SF3A1: variants seen among roughly 807,000 people sequenced by gnomAD.
The protein encoded by SF3A1 is splicing factor 3a subunit 1.
SF3A1 carries 13 observed loss-of-function variants against 89.9 expected under a neutral mutation model. The observed-to-expected ratio is 0.14, with a 90% confidence interval of 0.09 to 0.23. The LOEUF (loss-of-function observed/expected upper bound fraction) is 0.23, where lower values mean the gene tolerates loss of function less well. Ranked by LOEUF, SF3A1 falls within the 10% of genes least tolerant of loss-of-function variation. The pLI, the probability that SF3A1 is intolerant of heterozygous loss-of-function variation, is 1.00. For synonymous variants in SF3A1, 405 were observed against 374.4 expected (o/e 1.08, Z -0.94); for missense variants, 604 against 1,022.1 (o/e 0.59, Z 5.58).
chr22:30,342,152 A>G (rs746293529), intron 6 of SF3A1, 48 bp downstream of exon 6: 146 of 1,607,152 alleles, frequency 9.1e-5, no homozygotes, highest in Non-Finnish European at 1.2e-4. Context: ...TTTCCCGGGA[A>G]GTCTGAGTTC....
chr22:30,335,860 C>T, intron 13 of SF3A1, 107 bp from the exon 14 acceptor site: 1 of 906,192 alleles, frequency 1.1e-6, no homozygotes, highest in Non-Finnish European at 1.8e-6. Context: ...TGCATCTGGG[C>T]TCCTGGATTC....
intron 2 of SF3A1, among the ~76,000 whole-genome samples, chr22:30,351,306 A>C (rs1931586414): frequency 6.6e-6 from 1 of 152,178 alleles, no homozygotes; most frequent in African/African-American, 2.4e-5. Flanking sequence ...TCATTTAAAA[A>C]AAAAAAAAAG....
chr22:30,338,312 G>A (rs1171679394), intron 11 of SF3A1, among the ~76,000 whole-genome samples: 1 of 152,058 alleles, frequency 6.6e-6, no homozygotes, highest in African/African-American at 2.4e-5. Context: ...TACAAAATTA[G>A]CTGGGCATGG....
intron 13 of SF3A1, among the ~76,000 whole-genome samples, chr22:30,336,617 C>A (rs1326311362): frequency 1.3e-5 from 2 of 152,180 alleles, no homozygotes; most frequent in African/African-American, 4.8e-5. Flanking sequence ...CAGGATCCCA[C>A]CCAACAGGCA....
In SF3A1 at chr22:30,341,857, C is replaced by T. The variant is rs780600901; in HGVS notation, c.906G>A (p.Glu302=). The change falls in exon 7 of 16, where the codon GAG becomes GAA. Residue 302 remains glutamate (E), a synonymous_variant. Transcript: ENST00000215793. ...GAATGAGGATTCGGGCCCCCAGCTC[C>T]TCTGGCGTGGTGGGGGGAGGGAAGT... The part of the protein sequence containing the change: ...QGNFPPPTTP[E]ELGARILIQE... 3.1e-6 allele frequency: 5 copies of T among 1,613,582 alleles called. No homozygotes were observed. In the South Asian group the frequency reaches 4.4e-5, roughly 14 times the overall value.
intron 1 of SF3A1, among the ~76,000 whole-genome samples, chr22:30,355,630 G>A (rs1931774334): frequency 2.6e-5 from 4 of 152,134 alleles, no homozygotes; most frequent in Admixed American, 1.3e-4. Flanking sequence ...CTGCCACTAC[G>A]CTCCTAAGTC....
chr22:30,339,311 C>A, intron 9 of SF3A1, 60 bp from the exon 10 acceptor site: 2 of 1,600,758 alleles, frequency 1.2e-6, no homozygotes, highest in South Asian at 1.1e-5. Context: ...GGTGTCCTGA[C>A]AAGAGAGCAG....
intron 2 of SF3A1, among the ~76,000 whole-genome samples, chr22:30,348,025 T>C (rs893346717): frequency 6.6e-6 from 1 of 152,190 alleles, no homozygotes; most frequent in African/African-American, 2.4e-5. Flanking sequence ...TTTTACATTT[T>C]GTAGAGACGG....
At chr22:30,353,116 C>A in intron 1 of SF3A1, 44 bp from the exon 2 acceptor site, 2 of 1,606,406 alleles carry the variant, frequency 1.2e-6, no homozygotes, top group South Asian at 2.2e-5. Flanking sequence ...GTCCCTGGTT[C>A]AGAGCAGGTT....
At position 30,356,712 on chromosome 22, in the gene SF3A1, G is replaced by A. The variant is rs755562915; in HGVS notation, c.63+18C>T. ...GGCCAACCCTCCGGCTGCAGGCTGAGGGGCGGGGGAGAGGTACCTGTTTGG... is the reference window on the plus strand; with the variant it reads ...GGCCAACCCTCCGGCTGCAGGCTGAAGGGCGGGGGAGAGGTACCTGTTTGG... On this transcript the variant is annotated intron_variant, in intron 1 of 15. Coordinates refer to ENST00000215793, the MANE Select transcript of SF3A1 (RefSeq NM_005877.6). 1.4e-6 allele frequency: 2 copies of A among 1,479,474 alleles called. No homozygotes were observed. Among genetic ancestry groups the A allele is most frequent in the South Asian group, 1.3e-5 (1 of 74,980 alleles). 91.6% of individuals were successfully genotyped at this position (1,479,474 alleles called of 1,614,324 possible). A position where few individuals can be genotyped will look rare whatever the true frequency, so the allele number is the denominator to read the frequency against.
At chr22:30,342,630 G>C (rs1931295878) in intron 5 of SF3A1, 175 bp downstream of exon 5, 1 of 627,200 alleles carries the variant, frequency 1.6e-6, no homozygotes, top group Non-Finnish European at 2.8e-6. Context: ...GAAAGTTGTG[G>C]TATGTTGGGA....
Position 30,334,564 on chromosome 22 carries a change from G to A in SF3A1, c.*30C>T. 2.7e-6 allele frequency: 4 copies of A among 1,456,272 alleles called. No individual in the cohort carries two copies. The highest frequency in any genetic ancestry group is 3.7e-6 in the Non-Finnish European group (4 of 1,076,406). The allele number at this position is 1,456,272 out of a possible 1,614,324, so 90.2% of individuals were successfully genotyped here. Reference sequence around the variant, plus strand: ...GGGTGGGAGACAGGAGAGGCAAAATGGCAGGGACTTGACAGCAGGTTCCTC... The same window carrying A: ...GGGTGGGAGACAGGAGAGGCAAAATAGCAGGGACTTGACAGCAGGTTCCTC... On this transcript the variant is annotated 3_prime_UTR_variant, in exon 16 of 16. Coordinates refer to ENST00000215793, the MANE Select transcript of SF3A1 (RefSeq NM_005877.6).
intron 5 of SF3A1, chr22:30,342,604 G>T: frequency 1.6e-6 from 1 of 622,414 alleles, no homozygotes; most frequent in Non-Finnish European, 2.8e-6. Flanking sequence ...GATATATTGA[G>T]GCTGAGAGCA....
In SF3A1 at chr22:30,341,702, T is replaced by C; in HGVS notation, c.1061A>G (p.Asp354Gly). ...TGCCCAGCAGCTTACCTCATCCATATCTTGTACTTGGGTGTCCTGGTCCAG... is the reference window on the plus strand; with the variant it reads ...TGCCCAGCAGCTTACCTCATCCATACCTTGTACTTGGGTGTCCTGGTCCAG... Reference protein sequence around the residue: ...SQLDQDTQVQDMDEGSDDEEE... With the variant: ...SQLDQDTQVQGMDEGSDDEEE... Residue 354 changes from aspartate to glycine, a missense_variant, in exon 7 of 16, where the codon GAT becomes GGT. This residue lies in a region of SF3A1 where 146 missense variants were observed against 228.5 expected (regional missense o/e 0.64). Coordinates refer to ENST00000215793, the MANE Select transcript of SF3A1 (RefSeq NM_005877.6). 6.2e-7 allele frequency: 1 copy of C among 1,613,816 alleles called. No homozygotes were observed. Among genetic ancestry groups the C allele is most frequent in the Non-Finnish European group, 8.5e-7 (1 of 1,179,842 alleles).
Position 30,337,564 on chromosome 22 carries a change from G to A in SF3A1, c.1951+126C>T, listed in dbSNP as rs142688663. ...TGCGGATCTTTCAATGGGAAGCCAG[G>A]GCTCTCCTCTGGGCTGGATACCCTG... On this transcript the variant is annotated intron_variant, in intron 12 of 15. Coordinates refer to ENST00000215793, the MANE Select transcript of SF3A1 (RefSeq NM_005877.6). The A allele has an allele frequency of 5.6e-3, 3,993 of 712,990 alleles. 24 individuals are homozygous for A. Among genetic ancestry groups the A allele is most frequent in the Non-Finnish European group, 6.6e-3 (2,563 of 389,554 alleles). 44.2% of individuals were successfully genotyped at this position (712,990 alleles called of 1,614,324 possible).
intron 4 of SF3A1, among the ~76,000 whole-genome samples, chr22:30,344,556 T>C (rs575445062): frequency 6.6e-6 from 1 of 152,310 alleles, no homozygotes; most frequent in African/African-American, 2.4e-5. Context: ...CATGGCTTCT[T>C]GTGAGGACTA....
intron 1 of SF3A1, among the ~76,000 whole-genome samples, chr22:30,356,326 C>A (rs1331518736): frequency 2.0e-5 from 3 of 152,234 alleles, no homozygotes; most frequent in South Asian, 2.1e-4. Flanking sequence ...ACCGTGCAGG[C>A]TGGGAAATTA....
chr22:30,335,297 G>A (rs1234909334), intron 15 of SF3A1, among the ~76,000 whole-genome samples, 170 bp downstream of exon 15: 3 of 152,004 alleles, frequency 2.0e-5, no homozygotes, highest in African/African-American at 7.2e-5. Context: ...TGCATTGTTG[G>A]GCACACCTGC....
At chr22:30,348,797 G>A (rs547581164) in intron 2 of SF3A1, among the ~76,000 whole-genome samples, 1 of 152,288 alleles carries the variant, frequency 6.6e-6, no homozygotes, top group Non-Finnish European at 1.5e-5. Flanking sequence ...ACTATACCCA[G>A]CAAATGCCTC....
Sources: gnomAD v4.1 joint callset for allele counts (sites outside exome capture counted in the v4.1 genomes callset) on GRCh38, gnomAD v4.1.1 for gene constraint, gnomAD v4.1.1 regional missense constraint, MANE v1.5 for transcripts, NCBI Gene and HGNC (gene_info 2026-07-23, HGNC 2026-07-21) for gene names.